Variants in TMEM217 observed in about 807,000 individuals in gnomAD.
The protein encoded by TMEM217 is transmembrane protein 217.
For synonymous variants in TMEM217, 76 were observed against 88.3 expected, an observed-to-expected ratio of 0.86 and a Z score of 0.78; for missense variants, 204 against 248.8, an observed-to-expected ratio of 0.82 and a Z score of 1.21.
chr6:37,247,370 T>C (rs1193007979), intron 1 of TMEM217, among the ~76,000 whole-genome samples: 1 of 144,530 alleles, frequency 6.9e-6, no homozygotes, highest in African/African-American at 2.6e-5. Flanking sequence ...AGGCAGTCAA[T>C]AAAGGGCGAA....
At chr6:37,239,053 CT>C (rs1764633455) in intron 1 of TMEM217, among the ~76,000 whole-genome samples, 2 of 152,164 alleles carry the variant, frequency 1.3e-5, no homozygotes, top group South Asian at 4.1e-4. Flanking sequence ...TCACTTGAAC[CT>C]AAGAGGTGGA....
rs1194169437 is a variant in TMEM217 at position 37,254,550 on chromosome 6, TAG to T, written c.-12+3016_-12+3017del. Among the ~76,000 whole-genome samples, 5 of 152,314 alleles carry T rather than the reference TAG, an allele frequency of 3.3e-5. No individual in the cohort carries two copies. The East Asian group carries it at 7.7e-4, about 24-fold the overall frequency. ...TCAACCAAGGATGTAGGCAAGGATG[TAG>T]AGTCATTGGTAAAGTGGACACATCC... On this transcript the variant is annotated intron_variant, in intron 1 of 1. Transcript: ENST00000357219.
intron 1 of TMEM217, among the ~76,000 whole-genome samples, chr6:37,235,332 T>A (rs1039783543): frequency 3.3e-5 from 5 of 152,142 alleles, no homozygotes; most frequent in Admixed American, 1.3e-4. Context: ...CACCACAGAC[T>A]GGGTAATATA....
chr6:37,253,142 C>T (rs1461243821), intron 1 of TMEM217, among the ~76,000 whole-genome samples: 1 of 152,118 alleles, frequency 6.6e-6, no homozygotes, highest in East Asian at 1.9e-4. Context: ...ACATTTCATA[C>T]ACCTTTTTGA....
exon 2 of TMEM217, chr6:37,218,129 G>A (rs1763318408): frequency 1.3e-5 from 14 of 1,076,482 alleles, no homozygotes; most frequent in Non-Finnish European, 1.6e-5. Context: ...GAAAGAAAAG[G>A]GCCAACATGA....
intron 1 of TMEM217, among the ~76,000 whole-genome samples, chr6:37,225,283 C>T (rs1452862899): frequency 6.6e-6 from 1 of 151,838 alleles, no homozygotes; most frequent in Non-Finnish European, 1.5e-5. Flanking sequence ...GTGCAAGGGG[C>T]AGGGATAGGG....
intron 1 of TMEM217, among the ~76,000 whole-genome samples, chr6:37,243,940 TC>T (rs1764931677): frequency 6.6e-6 from 1 of 152,146 alleles, no homozygotes; most frequent in African/African-American, 2.4e-5. Context: ...AGTCAGCCAG[TC>T]CTCAGAAATG....
chr6:37,252,605 GTGTA>G (rs58497687), intron 1 of TMEM217, among the ~76,000 whole-genome samples: 640 of 36,080 alleles, frequency 0.018, 8 homozygotes, highest in African/African-American at 0.077. Flanking sequence ...GTGTGTGTGT[GTGTA>G]TGTGTGTGTA....
chr6:37,257,679 C>A lies in TMEM217; in HGVS notation c.-123G>T. The A allele has an allele frequency of 1.9e-6, 1 of 534,646 alleles. No individual in the cohort carries two copies. The highest frequency in any genetic ancestry group is 3.3e-6 in the Non-Finnish European group (1 of 301,554). 33.1% of individuals were successfully genotyped at this position (534,646 alleles called of 1,614,324 possible). On this transcript the variant is annotated 5_prime_UTR_variant, in exon 1 of 2. An upstream open reading frame in the 5' UTR gains an earlier in-frame stop. Coordinates refer to ENST00000357219, the Ensembl canonical transcript of TMEM217. ...AGCCCCTGACGTTACCGGTCGGCTT[C>A]AGCGGCCTGCAGGATTCCGGCTCCC...
exon 1 of TMEM217, chr6:37,257,776 C>T: frequency 1.1e-6 from 1 of 905,826 alleles, no homozygotes; most frequent in Non-Finnish European, 1.7e-6. Flanking sequence ...GTGCCCACAT[C>T]CAAGATGGCG....
intron 1 of TMEM217, among the ~76,000 whole-genome samples, chr6:37,220,703 G>A (rs905548029): frequency 7.4e-4 from 112 of 152,178 alleles, no homozygotes; most frequent in African/African-American, 2.5e-3. Flanking sequence ...TTTTATGCTG[G>A]TCTTCATCCT....
intron 1 of TMEM217, among the ~76,000 whole-genome samples, chr6:37,245,770 C>T (rs551503517): frequency 6.6e-6 from 1 of 150,760 alleles, no homozygotes; most frequent in East Asian, 2.0e-4. Context: ...CTACTAGCCT[C>T]TCATTTTCTT....
At chr6:37,242,401 A>G (rs1268280625) in intron 1 of TMEM217, among the ~76,000 whole-genome samples, 5 of 152,050 alleles carry the variant, frequency 3.3e-5, no homozygotes, top group Non-Finnish European at 2.9e-5. Flanking sequence ...AGCACTCCCT[A>G]CTCATCCATA....
intron 1 of TMEM217, among the ~76,000 whole-genome samples, chr6:37,245,403 T>C (rs1011702127): frequency 6.6e-6 from 1 of 152,268 alleles, no homozygotes; most frequent in African/African-American, 2.4e-5. Flanking sequence ...TGCCCATTAG[T>C]GGAATGGATT....
In TMEM217 at chr6:37,241,099, CT is replaced by C. The variant is rs74398542; in HGVS notation, c.-12+16468del. On this transcript the variant is annotated intron_variant, in intron 1 of 1. Coordinates refer to ENST00000357219, the Ensembl canonical transcript of TMEM217. ...TTCTATATATAATAAAAGTATTACTCTTTTTTTTTTTTTTTTTGAGACAGGG... is the reference window on the plus strand; with the variant it reads ...TTCTATATATAATAAAAGTATTACTCTTTTTTTTTTTTTTTTGAGACAGGG... 3.7e-3 allele frequency among the ~76,000 whole-genome samples: 490 copies of C among 132,852 alleles called. 1 individual carries two copies. The highest frequency in any genetic ancestry group is 0.016 in the Middle Eastern group (4 of 254). The allele number at this position is 132,852 out of a possible 152,430, so 87.2% of individuals were successfully genotyped here.
intron 1 of TMEM217, among the ~76,000 whole-genome samples, chr6:37,257,171 T>C (rs767330704): frequency 2.6e-5 from 4 of 152,186 alleles, no homozygotes; most frequent in African/African-American, 7.2e-5. Context: ...GAGTTATGGA[T>C]TGACATAGGG....
In TMEM217 at chr6:37,248,312, A is replaced by G. The variant is rs532249081; in HGVS notation, c.-12+9256T>C. 1.4e-4 allele frequency among the ~76,000 whole-genome samples: 22 copies of G among 152,322 alleles called. No homozygotes were observed. The South Asian group carries it at 3.9e-3, about 27-fold the overall frequency. On this transcript the variant is annotated intron_variant, in intron 1 of 1. Transcript: ENST00000357219. ...GTGCCAGGAATACAGTAGATGCTCA[A>G]TAAAAGCTAGTTAGAAGAATTAATT...
chr6:37,255,500 T>C (rs879281641), intron 1 of TMEM217, among the ~76,000 whole-genome samples: 8 of 152,036 alleles, frequency 5.3e-5, no homozygotes, highest in African/African-American at 1.2e-4. Context: ...CTGGGCAACA[T>C]GGTGAAACTT....
At chr6:37,250,120 A>G (rs1308764264) in intron 1 of TMEM217, among the ~76,000 whole-genome samples, 1 of 152,246 alleles carries the variant, frequency 6.6e-6, no homozygotes, top group Non-Finnish European at 1.5e-5. Flanking sequence ...TCAAAATCAT[A>G]CTATTGTCTA....
Sources: gnomAD v4.1 joint callset for allele counts (sites outside exome capture counted in the v4.1 genomes callset) on GRCh38, gnomAD v4.1.1 for gene constraint, MANE v1.5 for transcripts, NCBI Gene and HGNC (gene_info 2026-07-23, HGNC 2026-07-21) for gene names.